PNPLA7: variants seen among roughly 807,000 people sequenced by gnomAD.
PNPLA7 encodes patatin-like phospholipase domain-containing protein 7.
In PNPLA7, 153 loss-of-function variants were observed where a neutral mutation model predicts 161.7. That is an observed-to-expected ratio of 0.95 (90% confidence interval 0.83 to 1.08). The LOEUF is 1.08. PNPLA7 is among the 50% of genes least tolerant of loss of function. PNPLA7 has a pLI of 0.00. For synonymous variants in PNPLA7, 809 were observed against 782.1 expected (o/e 1.03, Z -0.57); for missense variants, 1,739 against 1,856.6 (o/e 0.94, Z 1.16).
In PNPLA7 at chr9:137,547,710, G is replaced by T; in HGVS notation, c.31-51C>A. 2 of 1,557,878 alleles carry T rather than the reference G, an allele frequency of 1.3e-6. No homozygotes were observed. The highest frequency in any genetic ancestry group is 1.1e-5 in the South Asian group (1 of 89,904). ...TGGGCATGGACAGGCTTCCCAGCCC[G>T]AACTTGTTCAGAGCAGCAGGAGGAG... On this transcript the variant is annotated intron_variant, in intron 1 of 34. Transcript: ENST00000406427. The surrounding 1 kb of genome is among the most constrained non-coding windows in gnomAD (Gnocchi z 4.6).
Position 137,461,574 on chromosome 9 carries a change from A to G in PNPLA7, c.3803T>C (p.Val1268Ala), listed in dbSNP as rs1831198692. 6.2e-7 allele frequency: 1 copy of G among 1,612,806 alleles called. No individual in the cohort carries two copies. The highest frequency in any genetic ancestry group is 8.5e-7 in the Non-Finnish European group (1 of 1,179,676). Reference protein sequence around the residue: ...NASFTDLAEIVSRIEPAKPAM... With the variant: ...NASFTDLAEIASRIEPAKPAM... The stretch of plus-strand genomic sequence containing the variant: ...GGGCTTGGCGGGCTCAATGCGAGAC[A>G]CAATTTCGGCAAGGTCCGTGAAGGA... The change falls in exon 33 of 35, where the codon GTG (valine) becomes GCG (alanine). Residue 1268 changes from valine (V) to alanine (A), a missense_variant. Val to Ala is a moderately conservative substitution (Grantham distance 64). Coordinates refer to ENST00000406427, the MANE Select transcript of PNPLA7 (RefSeq NM_001098537.3).
At chr9:137,498,060 C>T in intron 17 of PNPLA7, 54 bp downstream of exon 17, 1 of 1,583,446 alleles carries the variant, frequency 6.3e-7, no homozygotes, top group Non-Finnish European at 8.6e-7. Context: ...CCATCCCCAG[C>T]TCCTGCATGC....
chr9:137,543,857 C>G lies in PNPLA7; in HGVS notation c.274-42G>C. 6.5e-7 allele frequency: 1 copy of G among 1,537,820 alleles called. No homozygotes were observed. Among genetic ancestry groups the G allele is most frequent in the Non-Finnish European group, 9.0e-7 (1 of 1,111,238 alleles). ...GAGACCAGCCACTGACCCTGCAAGC[C>G]GCAAGGTCCAAGCTCTTTGCCATGG... On this transcript the variant is annotated intron_variant, in intron 4 of 34. Coordinates refer to ENST00000406427, the MANE Select transcript of PNPLA7 (RefSeq NM_001098537.3). The surrounding 1 kb of genome is among the most constrained non-coding windows in gnomAD (Gnocchi z 6.9).
Position 137,471,811 on chromosome 9 carries a change from T to C in PNPLA7, c.2883-4338A>G, listed in dbSNP as rs972207595. Reference sequence around the variant, plus strand: ...GTCGACTAATGATGTACAGATTCAATGTATTCCTCCATCCAAATCTCAGGA... The same window carrying C: ...GTCGACTAATGATGTACAGATTCAACGTATTCCTCCATCCAAATCTCAGGA... On this transcript the variant is annotated intron_variant, in intron 25 of 34. Transcript: ENST00000406427. Among the ~76,000 whole-genome samples, 4 of 152,126 alleles carry C rather than the reference T, an allele frequency of 2.6e-5. No individual in the cohort carries two copies. The South Asian group carries it at 8.3e-4, about 32-fold the overall frequency.
intron 8 of PNPLA7, among the ~76,000 whole-genome samples, chr9:137,528,966 C>T (rs1835441072): frequency 1.3e-5 from 2 of 152,138 alleles, no homozygotes; most frequent in Admixed American, 6.6e-5. Flanking sequence ...TCCCAAAGTG[C>T]TGGGATTACA....
chr9:137,516,172 G>T (rs1334518278), intron 11 of PNPLA7, among the ~76,000 whole-genome samples: 2 of 122,900 alleles, frequency 1.6e-5, no homozygotes, highest in African/African-American at 3.2e-5. Context: ...GTCCTGCTGT[G>T]GGCCAAGTGC....
In PNPLA7 at chr9:137,537,703, A is replaced by G. The variant is rs1394239811; in HGVS notation, c.747+2939T>C. ...AGGGGCTGTGACACCAACGCGGATG[A>G]GACGGATCGCAGCAGCTGAGAGGAA... On this transcript the variant is annotated intron_variant, in intron 8 of 34. Transcript: ENST00000406427. This position sits in a 1 kb window ranked among gnomAD's most constrained non-coding sequence, Gnocchi z 4.5. Among the ~76,000 whole-genome samples, 3 of 152,170 alleles carry G rather than the reference A, an allele frequency of 2.0e-5. No individual in the cohort carries two copies. Among genetic ancestry groups the G allele is most frequent in the African/African-American group, 7.2e-5 (3 of 41,414 alleles).
chr9:137,495,192 G>C lies in PNPLA7; in HGVS notation c.2014-46C>G, dbSNP rs372853192. The C allele has an allele frequency of 1.9e-4, 274 of 1,412,912 alleles. 2 individuals are homozygous for C. The African/African-American group carries it at 3.4e-3, about 18-fold the overall frequency. The allele number at this position is 1,412,912 out of a possible 1,614,324, so 87.5% of individuals were successfully genotyped here. Reference sequence around the variant, plus strand: ...CTGGGGCCGCGGGCTTGGGAGGGCCGAGCCAGCTGGACCTGTCCCTGACAG... The same window carrying C: ...CTGGGGCCGCGGGCTTGGGAGGGCCCAGCCAGCTGGACCTGTCCCTGACAG... On this transcript the variant is annotated intron_variant, in intron 18 of 34. Transcript: ENST00000406427.
Position 137,497,260 on chromosome 9 carries a change from C to T in PNPLA7, c.1940G>A (p.Arg647His). 6.3e-7 allele frequency: 1 copy of T among 1,588,422 alleles called. No individual in the cohort carries two copies. The highest frequency in any genetic ancestry group is 2.3e-5 in the East Asian group (1 of 43,200). Residue 647 changes from arginine (R) to histidine (H), a missense_variant, in exon 18 of 35, where the codon CGC (arginine) becomes CAC (histidine). By Grantham distance (29) the Arg-to-His change is conservative (BLOSUM62 0). Around this residue, in one of 6 missense-constraint regions of PNPLA7, gnomAD observed 481 missense variants for 450.0 expected, o/e 1.07. Transcript: ENST00000406427. Reference protein sequence around the residue: ...CTYIMLSGRLRSVIRKDDGKK... With the variant: ...CTYIMLSGRLHSVIRKDDGKK... ...CCCATCATCCTTCCGGATCACAGAG[C>T]GCAGCCGGCCGCTGAGCATGATGTA... is the stretch of plus-strand genomic sequence containing the variant.
At chr9:137,461,877 G>A (rs1831219242) in intron 32 of PNPLA7, 54 bp downstream of exon 32, 1 of 1,441,786 alleles carries the variant, frequency 6.9e-7, no homozygotes. Flanking sequence ...GGCGTGGCCC[G>A]AAGAACTGGG....
intron 25 of PNPLA7, among the ~76,000 whole-genome samples, chr9:137,477,433 C>T (rs1831990002): frequency 6.6e-6 from 1 of 151,920 alleles, no homozygotes; most frequent in African/African-American, 2.4e-5. Flanking sequence ...GGAGGAGGTG[C>T]AAAGGGCCAA....
chr9:137,510,604 G>T (rs1318190419), intron 12 of PNPLA7, among the ~76,000 whole-genome samples: 1 of 152,176 alleles, frequency 6.6e-6, no homozygotes, highest in African/African-American at 2.4e-5. Context: ...AAATAACAGT[G>T]CAGCCAGACA....
intron 25 of PNPLA7, 25 bp downstream of exon 25, chr9:137,478,009 G>A: frequency 7.2e-7 from 1 of 1,394,664 alleles, no homozygotes; most frequent in South Asian, 1.7e-5. Context: ...CCAGTGAGGA[G>A]TGTGTAGGAA....
Position 137,486,702 on chromosome 9 carries a change from G to T in PNPLA7, c.2198-1966C>A, listed in dbSNP as rs1317289032. On this transcript the variant is annotated intron_variant, in intron 20 of 34. Transcript: ENST00000406427. The surrounding 1 kb of genome is among the most constrained non-coding windows in gnomAD (Gnocchi z 6.0). ...GCACCGGGAGCCCTGGGCCTCCACCGCCCAGCCTTGGGGTGGCTTCAGCCG... is the reference window on the plus strand; with the variant it reads ...GCACCGGGAGCCCTGGGCCTCCACCTCCCAGCCTTGGGGTGGCTTCAGCCG... Among the ~76,000 whole-genome samples the T allele has an allele frequency of 2.6e-5, 4 of 151,982 alleles. No homozygotes were observed. Among genetic ancestry groups the T allele is most frequent in the Non-Finnish European group, 5.9e-5 (4 of 67,986 alleles).
At chr9:137,488,816 C>A (rs902135399) in intron 20 of PNPLA7, among the ~76,000 whole-genome samples, 11 of 150,612 alleles carry the variant, frequency 7.3e-5, no homozygotes, top group Non-Finnish European at 1.6e-4. Flanking sequence ...CCCACACCAG[C>A]AGACATCCCT....
chr9:137,515,407 T>C lies in PNPLA7; in HGVS notation c.1197A>G (p.Ala399=). ...QILEELEKPG[A]GDPDPSAPQG... ...GTGGGGCCGAAGGGTCAGGGTCACCTGCCCCGGGCTTCTCCAGCTCCTCCA... is the reference window on the plus strand; with the variant it reads ...GTGGGGCCGAAGGGTCAGGGTCACCCGCCCCGGGCTTCTCCAGCTCCTCCA... The change falls in exon 12 of 35, where the codon GCA becomes GCG. Residue 399 remains alanine, a synonymous_variant. Coordinates refer to ENST00000406427, the MANE Select transcript of PNPLA7 (RefSeq NM_001098537.3). 6.2e-7 allele frequency: 1 copy of C among 1,604,326 alleles called. No homozygotes were observed. The highest frequency in any genetic ancestry group is 8.5e-7 in the Non-Finnish European group (1 of 1,176,488).
rs1404100935 is a variant in PNPLA7, at chr9:137,467,256, C to A, written c.3039+61G>T. On this transcript the variant is annotated intron_variant, in intron 26 of 34. Transcript: ENST00000406427. This position sits in a 1 kb window ranked among gnomAD's most constrained non-coding sequence, Gnocchi z 5.1. ...TGCAGAGGCCAACGGCCCCAGCGTC[C>A]CCCAGCACCAGCAAGGACCTGGGGG... is the stretch of plus-strand genomic sequence containing the variant. 6 of 1,539,910 alleles carry A rather than the reference C, an allele frequency of 3.9e-6. No individual in the cohort carries two copies. In the East Asian group the frequency reaches 1.4e-4, roughly 37 times the overall value.
In PNPLA7 at chr9:137,464,189, A is replaced by G. The variant is rs894433689; in HGVS notation, c.3163T>C (p.Trp1055Arg). The G allele has an allele frequency of 6.2e-7, 1 of 1,613,670 alleles. No homozygotes were observed. The highest frequency in any genetic ancestry group is 2.2e-5 in the East Asian group (1 of 44,872). ...GTGGTGATGGCGAAATAAGGAATCC[A>G]CAGGTCCTGCGGGCGGACGGGGCTC... Reference protein sequence around the residue: ...VFKDQQIEDLWIPYFAITTDI... With the variant: ...VFKDQQIEDLRIPYFAITTDI... Residue 1055 changes from tryptophan to arginine, a missense_variant, in exon 28 of 35, where the codon TGG (tryptophan) becomes CGG (arginine). Coordinates refer to ENST00000406427, the MANE Select transcript of PNPLA7 (RefSeq NM_001098537.3).
intron 12 of PNPLA7, among the ~76,000 whole-genome samples, chr9:137,512,616 C>T (rs1020479198): frequency 3.3e-5 from 5 of 152,138 alleles, no homozygotes; most frequent in African/African-American, 7.2e-5. Flanking sequence ...GTCCTGCATG[C>T]GCATTATACA....
Sources: allele counts gnomAD v4.1 joint callset (sites outside exome capture counted in the v4.1 genomes callset), GRCh38; gene constraint gnomAD v4.1.1; regional missense constraint gnomAD v4.1.1; non-coding constraint Gnocchi (gnomAD v3.1); transcripts MANE v1.5; gene names NCBI Gene and HGNC (gene_info 2026-07-23, HGNC 2026-07-21).